Variants in LHFPL6 observed in about 807,000 individuals in gnomAD.
LHFPL6 encodes the protein LHFPL tetraspan subfamily member 6 protein.
LHFPL6 carries 9 observed loss-of-function variants against 20.6 expected under a neutral mutation model. The ratio of observed to expected loss-of-function variants is 0.44; its 90% CI spans 0.26 to 0.76. The LOEUF (loss-of-function observed/expected upper bound fraction) is 0.76. Among genes scored for constraint, LHFPL6 ranks in the 30% least tolerant of loss-of-function variants. LHFPL6 has a pLI of 0.20. For missense variants in LHFPL6, 218 were observed against 253.5 expected, an observed-to-expected ratio of 0.86 and a Z score of 0.95; for synonymous variants, 105 against 98.7, an observed-to-expected ratio of 1.06 and a Z score of -0.38.
intron 2 of LHFPL6, among the ~76,000 whole-genome samples, chr13:39,440,926 T>G (rs777518985): frequency 3.3e-5 from 5 of 152,118 alleles, no homozygotes; most frequent in Non-Finnish European, 5.9e-5. Flanking sequence ...ACAAACTCTC[T>G]TCTCTTGTCT....
At position 39,601,206 on chromosome 13, in the gene LHFPL6, C is replaced by A; in HGVS notation, c.11G>T (p.Ser4Ile). ...CCAGATTACTCCAGTACAAGTCAGGCTGGATGCCATCTTTCACCAGATAGG... is the reference window on the plus strand; with the variant it reads ...CCAGATTACTCCAGTACAAGTCAGGATGGATGCCATCTTTCACCAGATAGG... MAS[S>I]LTCTGVIWAL... The change falls in exon 2 of 4, where the codon AGC (serine) becomes ATC (isoleucine). Residue 4 changes from serine to isoleucine, a missense_variant. Transcript: ENST00000379589. 6.2e-7 allele frequency: 1 copy of A among 1,608,460 alleles called. No individual in the cohort carries two copies. Among genetic ancestry groups the A allele is most frequent in the Non-Finnish European group, 8.5e-7 (1 of 1,176,604 alleles).
chr13:39,398,604 T>C (rs1467276944), intron 2 of LHFPL6, among the ~76,000 whole-genome samples: 3 of 152,168 alleles, frequency 2.0e-5, no homozygotes, highest in Non-Finnish European at 4.4e-5. Flanking sequence ...TTGGATATTG[T>C]AAATTTACTG....
At chr13:39,367,988 G>A (rs1870055376) in intron 3 of LHFPL6, among the ~76,000 whole-genome samples, 1 of 152,156 alleles carries the variant, frequency 6.6e-6, no homozygotes, top group African/African-American at 2.4e-5. Context: ...AAATCAGGAG[G>A]TTAAAAACTA....
intron 2 of LHFPL6, among the ~76,000 whole-genome samples, chr13:39,408,933 A>T (rs1445937181): frequency 3.3e-5 from 5 of 152,192 alleles, no homozygotes; most frequent in Admixed American, 3.3e-4. Context: ...TTCCAACCCA[A>T]AGCCACCTGA....
At chr13:39,578,672 T>C (rs1872189984) in intron 2 of LHFPL6, among the ~76,000 whole-genome samples, 3 of 152,166 alleles carry the variant, frequency 2.0e-5, no homozygotes, top group Admixed American at 6.5e-5. Flanking sequence ...CAACAAGTCA[T>C]CATTCAAATG....
chr13:39,381,368 C>CA (rs1870432050), intron 2 of LHFPL6, among the ~76,000 whole-genome samples: 1 of 152,176 alleles, frequency 6.6e-6, no homozygotes, highest in South Asian at 2.1e-4. Flanking sequence ...ACTTGGCAGT[C>CA]AGAGTCTTTT....
At chr13:39,565,396 A>G (rs1450771256) in intron 2 of LHFPL6, among the ~76,000 whole-genome samples, 1 of 152,236 alleles carries the variant, frequency 6.6e-6, no homozygotes, top group Admixed American at 6.5e-5. Context: ...CAGTTCTTAA[A>G]TAGTACAAAA....
chr13:39,533,545 A>T (rs1870529338), intron 2 of LHFPL6, among the ~76,000 whole-genome samples: 1 of 152,200 alleles, frequency 6.6e-6, no homozygotes, highest in South Asian at 2.1e-4. Context: ...GCTGCAAAGG[A>T]GGCTGATATA....
chr13:39,441,133 A>AG (rs1872116291), intron 2 of LHFPL6, among the ~76,000 whole-genome samples: 1 of 143,308 alleles, frequency 7.0e-6, no homozygotes, highest in Non-Finnish European at 1.5e-5. Flanking sequence ...CACCATGCCA[A>AG]CTAATTTTTT....
intron 3 of LHFPL6, among the ~76,000 whole-genome samples, chr13:39,368,288 A>G (rs1870061345): frequency 1.3e-5 from 2 of 150,266 alleles, no homozygotes; most frequent in African/African-American, 4.9e-5. Flanking sequence ...CGGTGGAGGA[A>G]AAAAAAAAAT....
intron 3 of LHFPL6, among the ~76,000 whole-genome samples, chr13:39,366,074 G>A (rs557698147): frequency 1.8e-4 from 28 of 152,346 alleles, no homozygotes; most frequent in Non-Finnish European, 3.1e-4. Context: ...CCTGGCAAAG[G>A]AGGGCCCCAT....
intron 3 of LHFPL6, among the ~76,000 whole-genome samples, chr13:39,354,929 T>C (rs143684919): frequency 6.3e-4 from 95 of 151,726 alleles, no homozygotes; most frequent in Non-Finnish European, 1.2e-3. Context: ...CACCTACGAC[T>C]CACTGGCATT....
At chr13:39,448,957 G>A (rs1593316824) in intron 2 of LHFPL6, among the ~76,000 whole-genome samples, 1 of 152,230 alleles carries the variant, frequency 6.6e-6, no homozygotes, top group Non-Finnish European at 1.5e-5. Context: ...TGCATTAGAA[G>A]TCATCTGATC....
intron 2 of LHFPL6, among the ~76,000 whole-genome samples, chr13:39,411,114 G>A (rs545830237): frequency 6.6e-5 from 10 of 152,246 alleles, no homozygotes; most frequent in African/African-American, 1.9e-4. Flanking sequence ...ATATGTATGC[G>A]TGAATAACCT....
At chr13:39,352,825 ATATATATATGTGTATATATATATAAATG>A (rs1869603336) in intron 3 of LHFPL6, among the ~76,000 whole-genome samples, 3 of 77,154 alleles carry the variant, frequency 3.9e-5, no homozygotes, top group African/African-American at 4.3e-5. Flanking sequence ...AAACATTTAT[ATATATATATGTGTATATATATATAAATG>A]TATATATATG....
rs1290173657 is a variant in LHFPL6 at position 39,508,197 on chromosome 13, G to T, written c.385+92635C>A. 5.3e-5 allele frequency among the ~76,000 whole-genome samples: 8 copies of T among 151,772 alleles called. No individual in the cohort carries two copies. The East Asian group carries it at 1.5e-3, about 29-fold the overall frequency. On this transcript the variant is annotated intron_variant, in intron 2 of 3. Transcript: ENST00000379589. ...GCACAACCACGCCTGGCTAATTTTT[G>T]TATTTTTAGTAAAGGTGGGGTTTCA... is the stretch of plus-strand genomic sequence containing the variant.
intron 2 of LHFPL6, among the ~76,000 whole-genome samples, chr13:39,600,140 C>T (rs1389093882): frequency 5.3e-5 from 8 of 152,196 alleles, no homozygotes; most frequent in Non-Finnish European, 5.9e-5. Flanking sequence ...CCTTTTCTGG[C>T]GTTAGTGAAA....
intron 2 of LHFPL6, among the ~76,000 whole-genome samples, chr13:39,431,378 C>T (rs376934095): frequency 6.6e-5 from 10 of 152,202 alleles, no homozygotes; most frequent in South Asian, 4.2e-4. Context: ...TAACACTCAC[C>T]GCCAGGGTCC....
rs151311943 is a variant in LHFPL6 at position 39,548,134 on chromosome 13, T to C, written c.385+52698A>G. 1.2e-3 allele frequency among the ~76,000 whole-genome samples: 187 copies of C among 152,200 alleles called. 1 individual carries two copies. The highest frequency in any genetic ancestry group is 3.4e-4 in the Non-Finnish European group (23 of 68,020). On this transcript the variant is annotated intron_variant, in intron 2 of 3. Transcript: ENST00000379589. ...AGGACTGCTTCCAAAAGAATACATATATGTAATAAAACTAAGTTAAACAGA... is the reference window on the plus strand; with the variant it reads ...AGGACTGCTTCCAAAAGAATACATACATGTAATAAAACTAAGTTAAACAGA...
Sources: gnomAD v4.1 joint callset for allele counts (sites outside exome capture counted in the v4.1 genomes callset) on GRCh38, gnomAD v4.1.1 for gene constraint, MANE v1.5 for transcripts, NCBI Gene and HGNC (gene_info 2026-07-23, HGNC 2026-07-21) for gene names.